Variants in NEK6 observed in about 807,000 individuals in gnomAD.
NEK6 encodes the protein serine/threonine-protein kinase Nek6.
NEK6 carries 27 observed loss-of-function variants against 43.5 expected under a neutral mutation model. The observed-to-expected ratio is 0.62, with a 90% CI of 0.46 to 0.86. NEK6 has a LOEUF of 0.86. Ranked by LOEUF, NEK6 falls within the 40% of genes least tolerant of loss-of-function variation. NEK6 has a pLI of 0.00. For missense variants in NEK6, 318 were observed against 414.4 expected (o/e 0.77, Z 2.02); for synonymous variants, 167 against 164.1 (o/e 1.02, Z -0.14).
chr9:124,281,655 C>G (rs1420858604), intron 1 of NEK6, among the ~76,000 whole-genome samples: 2 of 152,044 alleles, frequency 1.3e-5, no homozygotes, highest in Non-Finnish European at 2.9e-5. Context: ...TGCCTGCCAC[C>G]ACACCCAGCT....
chr9:124,339,883 A>G lies in NEK6; in HGVS notation c.717+218A>G, dbSNP rs529399692. ...TGGTGGAGGCTGTTAGAGGGTGGAC[A>G]GCAGTGGGCGGGGTCCAGGAAGGGA... is the stretch of plus-strand genomic sequence containing the variant. On this transcript the variant is annotated intron_variant, in intron 8 of 9. Coordinates refer to ENST00000320246, the MANE Select transcript of NEK6 (RefSeq NM_014397.6). Among the ~76,000 whole-genome samples the G allele has an allele frequency of 2.9e-5, 4 of 139,946 alleles. No individual in the cohort carries two copies. In the South Asian group the frequency reaches 1.0e-3, roughly 36 times the overall value. 91.8% of individuals were successfully genotyped at this position (139,946 alleles called of 152,430 possible).
rs911988891 is a variant in NEK6, at chr9:124,351,877, A to AAAT, written c.*933_*935dup. 1.3e-5 allele frequency: 2 copies of AAAT among 152,464 alleles called. No homozygotes were observed. Among genetic ancestry groups the AAAT allele is most frequent in the Non-Finnish European group, 2.9e-5 (2 of 68,044 alleles). 9.4% of individuals were successfully genotyped at this position (152,464 alleles called of 1,614,324 possible). A position where few individuals can be genotyped will look rare whatever the true frequency, so the allele number is the denominator to read the frequency against. ...CAGGATTGCTGACAGACAGAATTTG[A>AAAT]AATAAAATATGCAAGTTAGCTAATA... On this transcript the variant is annotated 3_prime_UTR_variant, in exon 10 of 10. Transcript: ENST00000320246.
chr9:124,258,324 T>G, intron 1 of NEK6: 1 of 984,912 alleles, frequency 1.0e-6, no homozygotes, highest in Non-Finnish European at 1.2e-6. Flanking sequence ...CCGGCGGGTG[T>G]GCGTGTGCAC....
intron 1 of NEK6, among the ~76,000 whole-genome samples, chr9:124,284,903 C>T (rs932410037): frequency 6.6e-6 from 1 of 152,202 alleles, no homozygotes; most frequent in Non-Finnish European, 1.5e-5. Flanking sequence ...CTCTCAGTTT[C>T]CCTATCTGCA....
intron 1 of NEK6, among the ~76,000 whole-genome samples, chr9:124,263,915 T>G (rs73666838): frequency 0.016 from 2,442 of 152,244 alleles, 74 homozygotes; most frequent in African/African-American, 0.055. Context: ...CATTGGAGGG[T>G]CTCTGAAGGC....
At position 124,326,423 on chromosome 9, in the gene NEK6, C is replaced by T. The variant is rs1461941868; in HGVS notation, c.499C>T (p.Arg167Trp). The change falls in exon 6 of 10, where the codon CGG becomes TGG. Residue 167 changes from arginine (R) to tryptophan (W), a missense_variant. Transcript: ENST00000320246. This position sits in a 1 kb window ranked among gnomAD's most constrained non-coding sequence, Gnocchi z 4.5. The part of the protein sequence containing the change: ...CSAVEHMHSR[R>W]VMHRDIKPAN... The stretch of plus-strand genomic sequence containing the variant: ...CGCCGTGGAGCACATGCATTCACGC[C>T]GGGTGATGCACCGAGGTACGTGCCA... 2.5e-6 allele frequency: 4 copies of T among 1,608,340 alleles called. No individual in the cohort carries two copies. Among genetic ancestry groups the T allele is most frequent in the Non-Finnish European group, 3.4e-6 (4 of 1,179,540 alleles).
At chr9:124,328,786 G>A (rs1051441123) in intron 7 of NEK6, among the ~76,000 whole-genome samples, 1 of 152,214 alleles carries the variant, frequency 6.6e-6, no homozygotes, top group African/African-American at 2.4e-5. Flanking sequence ...GCGACTCCCA[G>A]CAGCTGATGG....
intron 1 of NEK6, among the ~76,000 whole-genome samples, chr9:124,300,529 C>T (rs188560375): frequency 1.4e-3 from 206 of 152,192 alleles, no homozygotes; most frequent in African/African-American, 4.6e-3. Flanking sequence ...AGAGAGATGA[C>T]GTCTTTGGCT....
At chr9:124,306,369 T>G (rs756280847) in intron 2 of NEK6, among the ~76,000 whole-genome samples, 97 of 152,122 alleles carry the variant, frequency 6.4e-4, no homozygotes, top group Non-Finnish European at 1.1e-3. Context: ...ATGATTTAGA[T>G]CGTTTTGGGT....
intron 8 of NEK6, among the ~76,000 whole-genome samples, chr9:124,346,518 A>G (rs1026587216): frequency 1.4e-4 from 21 of 152,076 alleles, no homozygotes; most frequent in African/African-American, 4.6e-4. Context: ...TCCGGGGGGG[A>G]ACCGGGGCCA....
chr9:124,316,526 G>T (rs944332), intron 4 of NEK6, among the ~76,000 whole-genome samples: 1 of 152,294 alleles, frequency 6.6e-6, no homozygotes, highest in African/African-American at 2.4e-5. Context: ...ACCACATTGC[G>T]TCTTTGCAGC....
chr9:124,317,091 TGA>T (rs1833854332), intron 4 of NEK6, among the ~76,000 whole-genome samples: 1 of 152,220 alleles, frequency 6.6e-6, no homozygotes, highest in African/African-American at 2.4e-5. Context: ...CTCAGAGATT[TGA>T]AGGCACTTTC....
chr9:124,316,004 G>A (rs547712641), intron 4 of NEK6, among the ~76,000 whole-genome samples: 3 of 152,308 alleles, frequency 2.0e-5, no homozygotes, highest in South Asian at 4.1e-4. Context: ...TACGCTCGCC[G>A]CCCAAGGCAG....
chr9:124,295,276 A>G (rs1832629512), intron 1 of NEK6, among the ~76,000 whole-genome samples: 2 of 152,198 alleles, frequency 1.3e-5, no homozygotes. Flanking sequence ...AGCGTGAGGG[A>G]ACACAGGACC....
chr9:124,305,293 A>G (rs1276572723), intron 2 of NEK6, among the ~76,000 whole-genome samples: 1 of 152,208 alleles, frequency 6.6e-6, no homozygotes, highest in Non-Finnish European at 1.5e-5. Flanking sequence ...GGTGGCTCAC[A>G]CCTGTAATCC....
rs138317871 is a variant in NEK6 at position 124,314,179 on chromosome 9, G to A, written c.294+194G>A. 4.8e-3 allele frequency among the ~76,000 whole-genome samples: 737 copies of A among 152,224 alleles called. 5 individuals carry two copies. Among genetic ancestry groups the A allele is most frequent in the African/African-American group, 0.017 (704 of 41,524 alleles). ...CCAGGCAGGAGCGGCCCGCCTCATC[G>A]CTCTGCCCAGCCCTTGGGGTCGCTG... On this transcript the variant is annotated intron_variant, in intron 4 of 9. Coordinates refer to ENST00000320246, the MANE Select transcript of NEK6 (RefSeq NM_014397.6).
At chr9:124,286,268 T>A (rs1832155512) in intron 1 of NEK6, among the ~76,000 whole-genome samples, 1 of 152,186 alleles carries the variant, frequency 6.6e-6, no homozygotes, top group Admixed American at 6.5e-5. Flanking sequence ...CTCTATAGGA[T>A]CCTCCTTTCC....
intron 1 of NEK6, among the ~76,000 whole-genome samples, chr9:124,280,221 T>C (rs1376062304): frequency 6.6e-6 from 1 of 152,218 alleles, no homozygotes; most frequent in Non-Finnish European, 1.5e-5. Context: ...AAAAAGTGTG[T>C]CCTGTGACTG....
At chr9:124,299,015 G>C (rs1051656948) in intron 1 of NEK6, among the ~76,000 whole-genome samples, 1 of 152,226 alleles carries the variant, frequency 6.6e-6, no homozygotes, top group Non-Finnish European at 1.5e-5. Flanking sequence ...TGGAGAATGC[G>C]GTCAGCGCCA....
Sources: gnomAD v4.1 joint callset for allele counts (sites outside exome capture counted in the v4.1 genomes callset) on GRCh38, gnomAD v4.1.1 for gene constraint, Gnocchi (gnomAD v3.1) non-coding constraint, MANE v1.5 for transcripts, NCBI Gene and HGNC (gene_info 2026-07-23, HGNC 2026-07-21) for gene names.